Variants in TMEM116 observed in about 807,000 individuals in gnomAD.
TMEM116 encodes the protein transmembrane protein 116.
In TMEM116, 38 loss-of-function variants were observed where a neutral mutation model predicts 44.3. That is an observed-to-expected ratio of 0.86 (90% CI 0.66 to 1.12). The LOEUF is 1.12. Among genes scored for constraint, TMEM116 ranks in the 50% most tolerant of loss-of-function variants. The probability of loss-of-function intolerance (pLI) is 0.00; values close to 1 mark genes in which losing one functional copy is unlikely to be tolerated. For synonymous variants in TMEM116, 132 were observed against 144.8 expected, an observed-to-expected ratio of 0.91 and a Z score of 0.64; for missense variants, 354 against 401.7, an observed-to-expected ratio of 0.88 and a Z score of 1.01.
chr12:111,980,056 ATCCAGCAATCATCC>A (rs1380340473), intron 4 of TMEM116, among the ~76,000 whole-genome samples: 4 of 152,178 alleles, frequency 2.6e-5, no homozygotes. Context: ...TTACTATATA[ATCCAGCAATCATCC>A]TCCTAGTTAT....
chr12:111,992,036 A>C, intron 3 of TMEM116, 147 bp from the exon 4 acceptor site: 1 of 776,070 alleles, frequency 1.3e-6, no homozygotes, highest in Non-Finnish European at 2.0e-6. Flanking sequence ...GGGCAATGCA[A>C]GGGAAGACTA....
At chr12:111,969,668 C>T in intron 4 of TMEM116, among the ~76,000 whole-genome samples, 1 of 152,162 alleles carries the variant, frequency 6.6e-6, no homozygotes. Context: ...AGCTCCGCCT[C>T]CCGGGTTCAC....
At position 112,001,365 on chromosome 12, in the gene TMEM116, G is replaced by A. The variant is rs866515232; in HGVS notation, c.78+2435C>T. On this transcript the variant is annotated intron_variant, in intron 3 of 10. Coordinates refer to ENST00000552374, the MANE Select transcript of TMEM116 (RefSeq NM_001193531.2). ...GTCCTGTTCTGTCACCCAGGCTGGA[G>A]TGCAGTGATATGATCATAGCTCACT... Among the ~76,000 whole-genome samples the A allele has an allele frequency of 7.2e-5, 11 of 152,226 alleles. No homozygotes were observed. In the South Asian group the frequency reaches 2.3e-3, roughly 32 times the overall value.
intron 9 of TMEM116, among the ~76,000 whole-genome samples, chr12:111,933,061 C>G (rs573841872): frequency 6.6e-6 from 1 of 152,084 alleles, no homozygotes; most frequent in African/African-American, 2.4e-5. Context: ...GCCAACATGG[C>G]GAAACCCTGT....
At chr12:111,991,092 G>A (rs940369970) in intron 4 of TMEM116, among the ~76,000 whole-genome samples, 5 of 151,522 alleles carry the variant, frequency 3.3e-5, no homozygotes, top group South Asian at 2.1e-4. Flanking sequence ...GGTGGCACGC[G>A]CCTGTAGTCC....
chr12:111,948,663 TA>T (rs1461847065), intron 4 of TMEM116, among the ~76,000 whole-genome samples: 1 of 152,186 alleles, frequency 6.6e-6, no homozygotes, highest in Non-Finnish European at 1.5e-5. Context: ...TACTAGTAGG[TA>T]AACTAAAACT....
chr12:112,000,894 A>G (rs1023222863), intron 3 of TMEM116: 14 of 422,494 alleles, frequency 3.3e-5, no homozygotes, highest in Admixed American at 5.6e-5. Flanking sequence ...TCTCCAGCCA[A>G]TGTTCTTGAG....
At chr12:111,992,470 C>T (rs1166215352) in intron 3 of TMEM116, among the ~76,000 whole-genome samples, 3 of 151,978 alleles carry the variant, frequency 2.0e-5, no homozygotes, top group Non-Finnish European at 2.9e-5. Context: ...GGGGTTTCAC[C>T]GTGTTAGCCA....
rs562430564 is a variant in TMEM116 at position 111,974,408 on chromosome 12, C to A, written c.210+17350G>T. The stretch of plus-strand genomic sequence containing the variant: ...CTGTAATTCTAACACTTTGGGAGGC[C>A]GGGGTGGGCGGATCATTTGAGGTTT... On this transcript the variant is annotated intron_variant, in intron 4 of 10. Transcript: ENST00000552374. Among the ~76,000 whole-genome samples, 114 of 151,852 alleles carry A rather than the reference C, an allele frequency of 7.5e-4. 2 individuals are homozygous for A. In the South Asian group the frequency reaches 0.023, roughly 31 times the overall value.
chr12:111,944,921 G>A (rs2073128268), intron 4 of TMEM116, among the ~76,000 whole-genome samples: 1 of 151,842 alleles, frequency 6.6e-6, no homozygotes, highest in African/African-American at 2.4e-5. Context: ...TTAAAAGCAA[G>A]CCTAATTAGT....
chr12:111,975,975 T>C (rs776084504), intron 4 of TMEM116, among the ~76,000 whole-genome samples: 4 of 152,126 alleles, frequency 2.6e-5, no homozygotes, highest in Admixed American at 6.5e-5. Flanking sequence ...ATCAACTCCA[T>C]TTAAGAAGTT....
intron 4 of TMEM116, among the ~76,000 whole-genome samples, chr12:111,977,453 G>A (rs1427831552): frequency 6.6e-6 from 1 of 152,016 alleles, no homozygotes; most frequent in Non-Finnish European, 1.5e-5. Flanking sequence ...ACTTTAAAAC[G>A]GTTAGTTTTA....
At chr12:111,999,950 C>G (rs1413612566) in intron 3 of TMEM116, among the ~76,000 whole-genome samples, 1 of 152,120 alleles carries the variant, frequency 6.6e-6, no homozygotes, top group African/African-American at 2.4e-5. Context: ...CTCTTGCAGG[C>G]TAATATTTAT....
At chr12:111,972,672 A>G (rs2075416727) in intron 4 of TMEM116, among the ~76,000 whole-genome samples, 1 of 152,190 alleles carries the variant, frequency 6.6e-6, no homozygotes, top group Non-Finnish European at 1.5e-5. Context: ...TGAGATCAGG[A>G]GTTCAAGACC....
intron 4 of TMEM116, among the ~76,000 whole-genome samples, chr12:111,962,963 T>G (rs757123475): frequency 6.6e-6 from 1 of 151,914 alleles, no homozygotes; most frequent in Non-Finnish European, 1.5e-5. Context: ...TTAAACAAAT[T>G]TATAAGAACA....
At chr12:111,993,784 G>T in intron 3 of TMEM116, 1 of 728,620 alleles carries the variant, frequency 1.4e-6, no homozygotes, top group South Asian at 1.4e-5. Flanking sequence ...ATTTGTAGCA[G>T]GTTACATACC....
chr12:111,932,392 AC>A (rs2136213801), intron 10 of TMEM116, among the ~76,000 whole-genome samples, 193 bp downstream of exon 10: 1 of 152,358 alleles, frequency 6.6e-6, no homozygotes, highest in South Asian at 2.1e-4. Context: ...GCATGGAGGT[AC>A]TTTTACAACA....
chr12:112,006,503 G>A (rs911685021), intron 1 of TMEM116, among the ~76,000 whole-genome samples: 1 of 152,232 alleles, frequency 6.6e-6, no homozygotes, highest in Non-Finnish European at 1.5e-5. Context: ...GTGAAAAGCT[G>A]AGGTGGTTAT....
intron 3 of TMEM116, chr12:112,003,586 G>C: frequency 2.1e-6 from 1 of 479,628 alleles, no homozygotes; most frequent in East Asian, 4.9e-5. Context: ...AAAAAAAATA[G>C]TTAATCTCTC....
Sources: gnomAD v4.1 joint callset for allele counts (sites outside exome capture counted in the v4.1 genomes callset) on GRCh38, gnomAD v4.1.1 for gene constraint, MANE v1.5 for transcripts, NCBI Gene and HGNC (gene_info 2026-07-23, HGNC 2026-07-21) for gene names.